Variants in EDAR observed in about 807,000 individuals in gnomAD.
The protein encoded by EDAR is ectodysplasin A receptor, also known as tumor necrosis factor receptor superfamily member EDAR.
Under a neutral mutation model 51.3 loss-of-function variants are expected in EDAR, and 38 were observed. The ratio of observed to expected loss-of-function variants is 0.74; its 90% CI spans 0.57 to 0.97. The LOEUF (loss-of-function observed/expected upper bound fraction) is 0.97. Ranked by LOEUF, EDAR falls within the 50% of genes least tolerant of loss-of-function variation. The probability of loss-of-function intolerance (pLI) is 0.00; values close to 1 mark genes in which losing one functional copy is unlikely to be tolerated. For missense variants in EDAR, 528 were observed against 595.0 expected (o/e 0.89, Z 1.17); for synonymous variants, 227 against 242.1 (o/e 0.94, Z 0.58).
At chr2:108,938,929 G>A (rs962021961) in intron 1 of EDAR, among the ~76,000 whole-genome samples, 8 of 151,772 alleles carry the variant, frequency 5.3e-5, no homozygotes, top group Non-Finnish European at 8.8e-5. Flanking sequence ...ACAGGCACCC[G>A]CCACCACATC....
At chr2:108,977,809 G>C (rs961321555) in intron 1 of EDAR, among the ~76,000 whole-genome samples, 2 of 152,198 alleles carry the variant, frequency 1.3e-5, no homozygotes, top group Non-Finnish European at 2.9e-5. Context: ...TTCCTGCTGA[G>C]AGCCGCACCC....
chr2:108,928,175 G>A (rs954747931), intron 4 of EDAR, among the ~76,000 whole-genome samples: 2 of 152,086 alleles, frequency 1.3e-5, no homozygotes, highest in Admixed American at 1.3e-4. Context: ...TCTTGCTCTG[G>A]CCACAGGGAC....
intron 1 of EDAR, among the ~76,000 whole-genome samples, chr2:108,948,883 C>T (rs187336826): frequency 1.9e-3 from 288 of 152,156 alleles, no homozygotes; most frequent in African/African-American, 3.7e-3. Context: ...TTTGGGATGC[C>T]GAGGCAGGAT....
At chr2:108,960,113 A>G (rs1250047504) in intron 1 of EDAR, among the ~76,000 whole-genome samples, 1 of 152,146 alleles carries the variant, frequency 6.6e-6, no homozygotes, top group Admixed American at 6.5e-5. Context: ...GGCTGGGTCC[A>G]CTGATAGTAC....
chr2:108,925,859 A>G (rs1157399543), intron 4 of EDAR, among the ~76,000 whole-genome samples: 1 of 152,052 alleles, frequency 6.6e-6, no homozygotes, highest in Non-Finnish European at 1.5e-5. Flanking sequence ...CAAGTGATCC[A>G]CCTGCCTTGG....
chr2:108,964,202 GC>G (rs1310922020), intron 1 of EDAR, among the ~76,000 whole-genome samples: 1 of 152,156 alleles, frequency 6.6e-6, no homozygotes, highest in Non-Finnish European at 1.5e-5. Context: ...AAACATCCAG[GC>G]TTGTATAGAT....
At chr2:108,985,347 G>A (rs914230744) in intron 1 of EDAR, among the ~76,000 whole-genome samples, 7 of 152,154 alleles carry the variant, frequency 4.6e-5, no homozygotes, top group African/African-American at 1.4e-4. Context: ...AAGTGAAGGC[G>A]CGCCTTCCTA....
At chr2:108,901,183 A>G (rs1023830609) in intron 11 of EDAR, among the ~76,000 whole-genome samples, 1 of 152,254 alleles carries the variant, frequency 6.6e-6, no homozygotes, top group Admixed American at 6.5e-5. Context: ...GAATATAAAT[A>G]TATAACAGAA....
intron 1 of EDAR, among the ~76,000 whole-genome samples, chr2:108,967,963 T>C (rs1251326467): frequency 6.6e-6 from 1 of 152,050 alleles, no homozygotes; most frequent in African/African-American, 2.4e-5. Flanking sequence ...GCCACAGGGG[T>C]AGAAAACAGC....
At position 108,934,325 on chromosome 2, in the gene EDAR, C is replaced by A. The variant is rs150164851; in HGVS notation, c.-18-3293G>T. ...TACAGGCAGGAGGTGGGCCACTGGG[C>A]GCTGGGGGGCTGACGGCTCCCAGTC... On this transcript the variant is annotated intron_variant, in intron 1 of 11. Coordinates refer to ENST00000258443, the MANE Select transcript of EDAR (RefSeq NM_022336.4). Among the ~76,000 whole-genome samples, 1,215 of 152,158 alleles carry A rather than the reference C, an allele frequency of 8.0e-3. 10 individuals are homozygous for A. Among genetic ancestry groups the A allele is most frequent in the South Asian group, 0.03 (143 of 4,820 alleles).
Position 108,936,758 on chromosome 2 carries a change from TA to T in EDAR, c.-18-5727del, listed in dbSNP as rs377480422. Among the ~76,000 whole-genome samples the T allele has an allele frequency of 2.4e-3, 358 of 152,322 alleles. 2 individuals carry two copies. Among genetic ancestry groups the T allele is most frequent in the African/African-American group, 8.0e-3 (333 of 41,578 alleles). The stretch of plus-strand genomic sequence containing the variant: ...CCTGTCTCAGCTGAGTAGTGCTAAT[TA>T]ATATTAGATTGGGAGGAGAGGGATG... On this transcript the variant is annotated intron_variant, in intron 1 of 11. Transcript: ENST00000258443.
intron 5 of EDAR, among the ~76,000 whole-genome samples, chr2:108,915,441 T>C (rs1280660758): frequency 6.6e-6 from 1 of 152,154 alleles, no homozygotes; most frequent in Non-Finnish European, 1.5e-5. Flanking sequence ...AGCTATGTCA[T>C]AGGGTATGTA....
chr2:108,910,684 A>G (rs1240419645), intron 8 of EDAR, 92 bp downstream of exon 8: 49 of 1,478,296 alleles, frequency 3.3e-5, no homozygotes, highest in Non-Finnish European at 4.6e-5. Flanking sequence ...AGCATGTGAG[A>G]GCAGAAGCAG....
intron 5 of EDAR, among the ~76,000 whole-genome samples, chr2:108,922,394 G>A (rs1411411984): frequency 6.6e-6 from 1 of 152,264 alleles, no homozygotes; most frequent in Non-Finnish European, 1.5e-5. Context: ...GGCTGGCCAG[G>A]AAAATGGCTT....
chr2:108,897,245 G>C lies in EDAR; in HGVS notation c.1025-16C>G. On this transcript the variant is annotated splice_polypyrimidine_tract_variant and intron_variant, in intron 11 of 11. Coordinates refer to ENST00000258443, the MANE Select transcript of EDAR (RefSeq NM_022336.4). ...GGGCTAAGACCTACAGACACCAATG[G>C]CCACAGTTAGATGTTGCAAGTCACA... 6.2e-7 allele frequency: 1 copy of C among 1,608,008 alleles called. No individual in the cohort carries two copies.
At position 108,946,814 on chromosome 2, in the gene EDAR, TG is replaced by T. The variant is rs376796103; in HGVS notation, c.-18-15783del. Among the ~76,000 whole-genome samples the T allele has an allele frequency of 3.8e-3, 576 of 152,234 alleles. 1 individual carries two copies. The highest frequency in any genetic ancestry group is 0.013 in the African/African-American group (550 of 41,550). On this transcript the variant is annotated intron_variant, in intron 1 of 11. Coordinates refer to ENST00000258443, the MANE Select transcript of EDAR (RefSeq NM_022336.4). ...CCCACCATGTTTCTCCCTTGACACA[TG>T]GGAATTACAATTTGAGATGAGATTT... is the stretch of plus-strand genomic sequence containing the variant.
chr2:108,977,984 T>C lies in EDAR; in HGVS notation c.-19+10976A>G, dbSNP rs1698354723. On this transcript the variant is annotated intron_variant, in intron 1 of 11. Coordinates refer to ENST00000258443, the MANE Select transcript of EDAR (RefSeq NM_022336.4). The stretch of plus-strand genomic sequence containing the variant: ...ATGCAGATGAAACTCCTCAGGGAGC[T>C]TCTATTCTCGTAGAGGAACTCCAGC... Among the ~76,000 whole-genome samples, 4 of 152,222 alleles carry C rather than the reference T, an allele frequency of 2.6e-5. No individual in the cohort carries two copies. In the South Asian group the frequency reaches 6.2e-4, roughly 24 times the overall value.
chr2:108,916,752 C>G (rs1249027282), intron 5 of EDAR, among the ~76,000 whole-genome samples: 1 of 152,146 alleles, frequency 6.6e-6, no homozygotes, highest in Non-Finnish European at 1.5e-5. Flanking sequence ...TGACATTTCT[C>G]CAGAGCTCAG....
chr2:108,922,626 G>C (rs1226556474), intron 5 of EDAR, among the ~76,000 whole-genome samples: 1 of 152,106 alleles, frequency 6.6e-6, no homozygotes, highest in Non-Finnish European at 1.5e-5. Context: ...CTTATGGAGA[G>C]CAAAGAGAGG....
Sources: allele counts gnomAD v4.1 joint callset (sites outside exome capture counted in the v4.1 genomes callset), GRCh38; gene constraint gnomAD v4.1.1; transcripts MANE v1.5; gene names NCBI Gene and HGNC (gene_info 2026-07-23, HGNC 2026-07-21).